The following ZHX2 variants were observed in gnomAD, a reference collection of about 807,000 sequenced individuals.
The protein encoded by ZHX2 is zinc fingers and homeoboxes 2, also known as zinc fingers and homeoboxes protein 2.
In ZHX2, 6 loss-of-function variants were observed where a neutral mutation model predicts 21.9. The ratio of observed to expected loss-of-function variants is 0.27; its 90% confidence interval spans 0.15 to 0.54. The LOEUF (loss-of-function observed/expected upper bound fraction) is 0.54, where lower values mean the gene tolerates loss of function less well. ZHX2 is among the 20% of genes least tolerant of loss of function. The pLI, the probability that ZHX2 is intolerant of heterozygous loss-of-function variation, is 0.95. For synonymous variants in ZHX2, 434 were observed against 437.1 expected, an observed-to-expected ratio of 0.99 and a Z score of 0.09; for missense variants, 908 against 1,090.7, an observed-to-expected ratio of 0.83 and a Z score of 2.36.
At chr8:122,859,660 G>A (rs1430180952) in intron 1 of ZHX2, among the ~76,000 whole-genome samples, 1 of 152,154 alleles carries the variant, frequency 6.6e-6, no homozygotes. Context: ...GCCATGGGGT[G>A]GGGAGCGTGG....
At chr8:122,919,271 A>C (rs760046836) in intron 2 of ZHX2, among the ~76,000 whole-genome samples, 2 of 152,198 alleles carry the variant, frequency 1.3e-5, no homozygotes, top group Non-Finnish European at 2.9e-5. Flanking sequence ...TCTTATGTAC[A>C]TTAGCTGTAG....
At chr8:122,916,347 G>A (rs1353131513) in intron 2 of ZHX2, among the ~76,000 whole-genome samples, 1 of 152,226 alleles carries the variant, frequency 6.6e-6, no homozygotes, top group Non-Finnish European at 1.5e-5. Flanking sequence ...AGGGAGCACA[G>A]AGGACCAGGT....
At chr8:122,950,645 C>T (rs1382736614) in intron 2 of ZHX2, among the ~76,000 whole-genome samples, 4 of 151,990 alleles carry the variant, frequency 2.6e-5, no homozygotes, top group Non-Finnish European at 5.9e-5. Context: ...CTACAATGTA[C>T]TAACATGCAT....
upstream of ZHX2, chr8:122,781,010 C>T (rs1817267409): frequency 1.3e-5 from 2 of 152,262 alleles, no homozygotes; most frequent in African/African-American, 4.8e-5. This position sits in a 1 kb window ranked among gnomAD's most constrained non-coding sequence, Gnocchi z 4.6. Flanking sequence ...GGGGCTCCTT[C>T]TTCCCCTCCC....
chr8:122,796,322 G>A (rs1563733078), intron 1 of ZHX2, among the ~76,000 whole-genome samples: 1 of 152,148 alleles, frequency 6.6e-6, no homozygotes, highest in South Asian at 2.1e-4. Flanking sequence ...TTGGAGGCAC[G>A]TCTTGTCACT....
At chr8:122,821,724 A>ATTTATTTG (rs1818154725) in intron 1 of ZHX2, among the ~76,000 whole-genome samples, 1 of 151,860 alleles carries the variant, frequency 6.6e-6, no homozygotes, top group Non-Finnish European at 1.5e-5. Flanking sequence ...TTATTTATTT[A>ATTTATTTG]GAGACAGAGT....
At chr8:122,852,008 T>C (rs1032923035) in intron 1 of ZHX2, among the ~76,000 whole-genome samples, 1 of 152,230 alleles carries the variant, frequency 6.6e-6, no homozygotes. Context: ...CTCCTTCCTG[T>C]TTAATTTTTT....
chr8:122,911,116 G>T (rs572185161), intron 2 of ZHX2, among the ~76,000 whole-genome samples: 1 of 152,186 alleles, frequency 6.6e-6, no homozygotes, highest in Non-Finnish European at 1.5e-5. Context: ...ACACACGCAG[G>T]ATGGCCTCAT....
At chr8:122,879,486 T>A (rs1246184272) in intron 2 of ZHX2, among the ~76,000 whole-genome samples, 1 of 151,058 alleles carries the variant, frequency 6.6e-6, no homozygotes, top group East Asian at 1.9e-4. Flanking sequence ...ATTATAGGTA[T>A]GAGCCACTGC....
At chr8:122,961,125 G>A (rs1813431532) in intron 3 of ZHX2, among the ~76,000 whole-genome samples, 1 of 152,254 alleles carries the variant, frequency 6.6e-6, no homozygotes, top group Admixed American at 6.5e-5. Flanking sequence ...GAGACTAGAT[G>A]TTCAAGCTCA....
intron 2 of ZHX2, among the ~76,000 whole-genome samples, chr8:122,902,534 C>T (rs1380117807): frequency 6.6e-6 from 1 of 152,170 alleles, no homozygotes; most frequent in South Asian, 2.1e-4. Context: ...ATGACTGGCA[C>T]ATAGAAAGGG....
At chr8:122,938,973 CT>C (rs942825552) in intron 2 of ZHX2, among the ~76,000 whole-genome samples, 16 of 152,278 alleles carry the variant, frequency 1.1e-4, no homozygotes, top group Admixed American at 9.8e-4. Context: ...GTCAACAGAG[CT>C]GGGAGGGCAG....
At chr8:122,846,594 T>C (rs1014146230) in intron 1 of ZHX2, among the ~76,000 whole-genome samples, 9 of 151,364 alleles carry the variant, frequency 5.9e-5, no homozygotes, top group African/African-American at 1.9e-4. Flanking sequence ...ATCTTTCCTC[T>C]GCTCATGTTT....
intron 2 of ZHX2, among the ~76,000 whole-genome samples, chr8:122,942,007 T>G (rs1437013748): frequency 1.3e-5 from 2 of 152,172 alleles, no homozygotes; most frequent in Admixed American, 6.5e-5. Context: ...AACTCAGGAA[T>G]TAACTCTCAG....
chr8:122,869,324 T>TG (rs1314333849), intron 2 of ZHX2, among the ~76,000 whole-genome samples: 1 of 132,324 alleles, frequency 7.6e-6, no homozygotes, highest in South Asian at 2.4e-4. Context: ...CATCCTTTTT[T>TG]GTTTTTTTTT....
rs529125934 is a variant in ZHX2 at position 122,791,703 on chromosome 8, A to G, written c.-283+9757A>G. 2.7e-3 allele frequency among the ~76,000 whole-genome samples: 416 copies of G among 152,232 alleles called. 6 individuals carry two copies. Among genetic ancestry groups the G allele is most frequent in the African/African-American group, 9.2e-3 (382 of 41,548 alleles). ...AATGTGGTGAAACCCCGTCTCTACC[A>G]AAAATACAAAAATTAGCTGGGCGTG... On this transcript the variant is annotated intron_variant, in intron 1 of 3. Transcript: ENST00000314393.
chr8:122,973,093 A>G (rs972864728), intron 3 of ZHX2, 149 bp from the exon 4 acceptor site: 1 of 152,170 alleles, frequency 6.6e-6, no homozygotes, highest in Non-Finnish European at 1.5e-5. Flanking sequence ...CATGAAGGGC[A>G]TGTGTCTCTC....
Position 122,969,350 on chromosome 8 carries a change from A to G in ZHX2, c.*5-3892A>G, listed in dbSNP as rs1326066393. On this transcript the variant is annotated intron_variant, in intron 3 of 3. Transcript: ENST00000314393. ...TAGTGCCTGTAGTTAATAGGAAGAT[A>G]TTTACTTCAAAATGTGTTCAGAGGG... Among the ~76,000 whole-genome samples, 3 of 152,044 alleles carry G rather than the reference A, an allele frequency of 2.0e-5. No homozygotes were observed. The East Asian group carries it at 5.8e-4, about 29-fold the overall frequency.
chr8:122,914,110 C>T (rs554919646), intron 2 of ZHX2, among the ~76,000 whole-genome samples: 5 of 152,298 alleles, frequency 3.3e-5, no homozygotes, highest in East Asian at 1.9e-4. Flanking sequence ...GATCGCCTGT[C>T]GTCATATTCC....
Sources: allele counts gnomAD v4.1 joint callset (sites outside exome capture counted in the v4.1 genomes callset), GRCh38; gene constraint gnomAD v4.1.1; non-coding constraint Gnocchi (gnomAD v3.1); transcripts MANE v1.5; gene names NCBI Gene and HGNC (gene_info 2026-07-23, HGNC 2026-07-21).